Variants in TMEM260 observed in about 807,000 individuals in gnomAD.
The protein encoded by TMEM260 is transmembrane protein 260.
A neutral mutation model predicts 88.9 loss-of-function variants in TMEM260; 82 were observed. That is an observed-to-expected ratio of 0.92 (90% CI 0.77 to 1.11). The LOEUF (loss-of-function observed/expected upper bound fraction) is 1.11. TMEM260 is among the 50% of genes least tolerant of loss of function. The pLI is 0.00. For synonymous variants in TMEM260, 314 were observed against 309.3 expected, an observed-to-expected ratio of 1.02 and a Z score of -0.16; for missense variants, 902 against 853.4, an observed-to-expected ratio of 1.06 and a Z score of -0.71.
intron 3 of TMEM260, among the ~76,000 whole-genome samples, chr14:56,600,155 CAT>C (rs1886483516): frequency 6.6e-6 from 1 of 152,128 alleles, no homozygotes; most frequent in African/African-American, 2.4e-5. Flanking sequence ...AGGCTTATCA[CAT>C]ATAGATTATT....
intron 3 of TMEM260, among the ~76,000 whole-genome samples, chr14:56,601,442 T>C (rs1029167739): frequency 6.6e-5 from 10 of 152,174 alleles, no homozygotes; most frequent in African/African-American, 2.2e-4. Flanking sequence ...CTAATGCTGT[T>C]AATTTTGGTC....
At position 56,633,434 on chromosome 14, in the gene TMEM260, T is replaced by G. The variant is rs189047278; in HGVS notation, c.1724+263T>G. The G allele has an allele frequency of 5.3e-5, 15 of 282,476 alleles. No individual in the cohort carries two copies. In the East Asian group the frequency reaches 1.1e-3, roughly 20 times the overall value. The allele number at this position is 282,476 out of a possible 1,614,324, so 17.5% of individuals were successfully genotyped here. On this transcript the variant is annotated intron_variant, in intron 13 of 15. Transcript: ENST00000261556. ...TGGTTAGATGCATGGCACCTTCTAC[T>G]TCCAAGTCTTTGAATGCTGCATCAT...
intron 15 of TMEM260, among the ~76,000 whole-genome samples, chr14:56,644,566 C>T (rs985181962): frequency 1.3e-5 from 2 of 152,138 alleles, no homozygotes; most frequent in Non-Finnish European, 2.9e-5. Context: ...AAAACCTAGG[C>T]AGTACCATTC....
chr14:56,596,423 T>TACAC (rs1429563079), intron 3 of TMEM260, among the ~76,000 whole-genome samples: 47 of 139,206 alleles, frequency 3.4e-4, no homozygotes, highest in Middle Eastern at 3.6e-3. Context: ...TATATATATA[T>TACAC]ATACATACAC....
intron 12 of TMEM260, among the ~76,000 whole-genome samples, chr14:56,630,688 C>T (rs8008531): frequency 0.017 from 2,534 of 152,214 alleles, 75 homozygotes; most frequent in African/African-American, 0.058. Flanking sequence ...GAATAGACAT[C>T]TATTGATTGT....
At chr14:56,590,847 C>T (rs1885808571) in intron 3 of TMEM260, among the ~76,000 whole-genome samples, 1 of 152,064 alleles carries the variant, frequency 6.6e-6, no homozygotes, top group Admixed American at 6.6e-5. Flanking sequence ...GAGCTGTCAC[C>T]AGTAGGGGAT....
chr14:56,623,560 A>G (rs1293340854), intron 11 of TMEM260, among the ~76,000 whole-genome samples: 1 of 152,214 alleles, frequency 6.6e-6, no homozygotes, highest in Non-Finnish European at 1.5e-5. Context: ...CTACCTGATC[A>G]AAATGAAGAT....
intron 15 of TMEM260, among the ~76,000 whole-genome samples, chr14:56,641,442 A>G (rs1286702759): frequency 1.3e-5 from 2 of 152,190 alleles, no homozygotes; most frequent in Non-Finnish European, 2.9e-5. Context: ...GAGAAATAAA[A>G]TCCTTTACAG....
chr14:56,643,648 A>C (rs937740182), intron 15 of TMEM260, among the ~76,000 whole-genome samples: 4 of 152,188 alleles, frequency 2.6e-5, no homozygotes, highest in African/African-American at 9.7e-5. Flanking sequence ...TAGTGTTGGA[A>C]GTTCTGGCCA....
intron 3 of TMEM260, among the ~76,000 whole-genome samples, chr14:56,586,234 A>C (rs968381777): frequency 3.9e-5 from 6 of 152,122 alleles, no homozygotes; most frequent in Non-Finnish European, 8.8e-5. Context: ...TCTTTTGGTA[A>C]ATGGTAAATA....
intron 12 of TMEM260, among the ~76,000 whole-genome samples, chr14:56,628,612 C>T (rs764994504): frequency 3.5e-4 from 53 of 152,006 alleles, no homozygotes; most frequent in Non-Finnish European, 4.0e-4. Context: ...TTGTACTTTT[C>T]GCTGTCTATA....
At chr14:56,585,492 G>A (rs1283505577) in intron 2 of TMEM260, among the ~76,000 whole-genome samples, 1 of 152,014 alleles carries the variant, frequency 6.6e-6, no homozygotes, top group Non-Finnish European at 1.5e-5. Flanking sequence ...TGTGAACCCA[G>A]AGAACAAACT....
intron 5 of TMEM260, among the ~76,000 whole-genome samples, chr14:56,606,734 A>G (rs1886928384): frequency 6.6e-6 from 1 of 152,140 alleles, no homozygotes; most frequent in Admixed American, 6.5e-5. Flanking sequence ...TCTACTAAAA[A>G]TACAAAAAAA....
At chr14:56,653,812 T>A (rs937820325), downstream of TMEM260, among the ~76,000 whole-genome samples, 2 of 150,828 alleles carry the variant, frequency 1.3e-5, no homozygotes, top group African/African-American at 4.9e-5. Context: ...ACAGCTAATC[T>A]AGTTTAATAA....
intron 15 of TMEM260, among the ~76,000 whole-genome samples, chr14:56,642,461 G>A (rs56269301): frequency 0.017 from 2,561 of 151,848 alleles, 65 homozygotes; most frequent in African/African-American, 0.059. Context: ...TGAAACCAAC[G>A]AGAACAAAGA....
At position 56,625,004 on chromosome 14, in the gene TMEM260, A is replaced by G. The variant is rs528840150; in HGVS notation, c.1399-378A>G. Among the ~76,000 whole-genome samples the G allele has an allele frequency of 3.3e-5, 5 of 152,146 alleles. No individual in the cohort carries two copies. In the South Asian group the frequency reaches 1.0e-3, roughly 32 times the overall value. ...CATGTGCAGTTCACAATAGGTTCAC[A>G]CTCCTGTGAAAATCTAATGCTGCCA... On this transcript the variant is annotated intron_variant, in intron 11 of 15. Transcript: ENST00000261556.
At chr14:56,615,670 T>C in intron 7 of TMEM260, 1 of 363,916 alleles carries the variant, frequency 2.7e-6, no homozygotes, top group South Asian at 5.2e-5. Flanking sequence ...CTATACAGTA[T>C]ACCAATATAA....
At chr14:56,660,314 T>C in the TMEM260 span, among the ~76,000 whole-genome samples, 1 of 152,026 alleles carries the variant, frequency 6.6e-6, no homozygotes, top group African/African-American at 2.4e-5. Flanking sequence ...TGTCTGTCAA[T>C]ACGTGGGAGA....
chr14:56,630,542 C>T (rs1888525359), intron 12 of TMEM260, among the ~76,000 whole-genome samples: 1 of 151,880 alleles, frequency 6.6e-6, no homozygotes, highest in African/African-American at 2.4e-5. Context: ...CATTTGGTTC[C>T]TTTTTATATA....
Sources: allele counts gnomAD v4.1 joint callset (sites outside exome capture counted in the v4.1 genomes callset), GRCh38; gene constraint gnomAD v4.1.1; transcripts MANE v1.5; gene names NCBI Gene and HGNC (gene_info 2026-07-23, HGNC 2026-07-21).